CSMD3: variants seen among roughly 807,000 people sequenced by gnomAD.
CSMD3 encodes the protein CUB and sushi domain-containing protein 3.
In CSMD3, 177 loss-of-function variants were observed where a neutral mutation model predicts 435.2. That is an observed-to-expected ratio of 0.41 (90% CI 0.36 to 0.46). The LOEUF (loss-of-function observed/expected upper bound fraction) is 0.46. CSMD3 is among the 20% of genes least tolerant of loss of function. The probability of loss-of-function intolerance (pLI) is 0.34; values close to 1 mark genes in which losing one functional copy is unlikely to be tolerated. For missense variants in CSMD3, 4,265 were observed against 4,504.6 expected, an observed-to-expected ratio of 0.95 and a Z score of 1.52; for synonymous variants, 1,656 against 1,520.5, an observed-to-expected ratio of 1.09 and a Z score of -2.07.
chr8:113,273,488 A>G (rs975891398), intron 3 of CSMD3, among the ~76,000 whole-genome samples: 1 of 152,166 alleles, frequency 6.6e-6, no homozygotes, highest in Non-Finnish European at 1.5e-5. Flanking sequence ...AAAATCTATG[A>G]GCACTCTATT....
At chr8:112,635,981 A>G (rs2074645411) in intron 22 of CSMD3, among the ~76,000 whole-genome samples, 1 of 152,136 alleles carries the variant, frequency 6.6e-6, no homozygotes, top group Non-Finnish European at 1.5e-5. Flanking sequence ...TGCTTGTGAT[A>G]ATTTTCAATA....
At chr8:112,618,685 T>C (rs891730105) in intron 22 of CSMD3, among the ~76,000 whole-genome samples, 2 of 148,300 alleles carry the variant, frequency 1.3e-5, no homozygotes, top group Admixed American at 6.8e-5. Flanking sequence ...GGACCAACCA[T>C]AAAGAAAGTT....
At chr8:113,189,788 A>C (rs2092558384) in intron 3 of CSMD3, among the ~76,000 whole-genome samples, 2 of 151,812 alleles carry the variant, frequency 1.3e-5, no homozygotes, top group African/African-American at 4.8e-5. Flanking sequence ...TCCTGTTGAA[A>C]AATCAGAGCA....
At position 112,845,932 on chromosome 8, in the gene CSMD3, G is replaced by T. The variant is rs559577759; in HGVS notation, c.1755+13213C>A. Among the ~76,000 whole-genome samples the T allele has an allele frequency of 2.0e-5, 3 of 151,990 alleles. No individual in the cohort carries two copies. In the East Asian group the frequency reaches 5.8e-4, roughly 29 times the overall value. On this transcript the variant is annotated intron_variant, in intron 11 of 70. Transcript: ENST00000297405. ...GAGGAACACTAATATTTAAGGATAA[G>T]GTCACTAGCAAAAGCCTGGAAACGT... is the stretch of plus-strand genomic sequence containing the variant.
At chr8:113,043,423 G>GA (rs1042767493) in intron 5 of CSMD3, among the ~76,000 whole-genome samples, 1 of 152,072 alleles carries the variant, frequency 6.6e-6, no homozygotes, top group Non-Finnish European at 1.5e-5. Flanking sequence ...ATTTTAACAG[G>GA]AAAATGTTTC....
chr8:113,352,213 T>C (rs1215583437), intron 1 of CSMD3, among the ~76,000 whole-genome samples: 1 of 152,142 alleles, frequency 6.6e-6, no homozygotes, highest in African/African-American at 2.4e-5. Context: ...ATCTTTTGAA[T>C]AGACCATCCT....
chr8:113,299,868 C>T (rs566570134), intron 2 of CSMD3, among the ~76,000 whole-genome samples: 9 of 152,174 alleles, frequency 5.9e-5, no homozygotes, highest in Non-Finnish European at 8.8e-5. Flanking sequence ...TGGCACATGC[C>T]TGTATTCCCA....
chr8:113,402,117 C>T (rs2094512766), intron 1 of CSMD3, among the ~76,000 whole-genome samples: 2 of 151,430 alleles, frequency 1.3e-5, no homozygotes, highest in Admixed American at 1.3e-4. Flanking sequence ...GGAGCTAGCT[C>T]CTTGTGATTT....
chr8:112,637,799 T>G (rs1404419997), intron 21 of CSMD3, among the ~76,000 whole-genome samples: 2 of 152,130 alleles, frequency 1.3e-5, no homozygotes, highest in Non-Finnish European at 2.9e-5. Flanking sequence ...TTGGACTTTT[T>G]TTAACATTCT....
intron 16 of CSMD3, among the ~76,000 whole-genome samples, chr8:112,678,714 A>ATATG (rs2075820480): frequency 6.6e-6 from 1 of 151,914 alleles, no homozygotes; most frequent in African/African-American, 2.4e-5. Context: ...ATCCATATAT[A>ATATG]TATATAACTT....
intron 42 of CSMD3, among the ~76,000 whole-genome samples, chr8:112,338,244 A>C (rs576465188): frequency 1.3e-5 from 2 of 150,530 alleles, no homozygotes; most frequent in South Asian, 4.2e-4. Flanking sequence ...CTGGAAAAAA[A>C]TTTTATTTTA....
intron 64 of CSMD3, 110 bp downstream of exon 64, chr8:112,246,910 A>G (rs1356960388): frequency 3.7e-6 from 3 of 806,166 alleles, no homozygotes; most frequent in Non-Finnish European, 6.4e-6. Flanking sequence ...TTTATAATCT[A>G]AAAGTCAATT....
Position 112,703,973 on chromosome 8 carries a change from T to C in CSMD3, c.1973-13923A>G, listed in dbSNP as rs376990014. ...GACATTTAAAATGCCTCAGATTGAG[T>C]ACAACAATTTAATAAAAATATGCAA... On this transcript the variant is annotated intron_variant, in intron 13 of 70. Coordinates refer to ENST00000297405, the MANE Select transcript of CSMD3 (RefSeq NM_198123.2). Among the ~76,000 whole-genome samples the C allele has an allele frequency of 2.0e-5, 3 of 152,038 alleles. No individual in the cohort carries two copies. In the East Asian group the frequency reaches 5.8e-4, roughly 29 times the overall value.
At chr8:112,735,034 T>C (rs142636441) in intron 13 of CSMD3, among the ~76,000 whole-genome samples, 2 of 152,156 alleles carry the variant, frequency 1.3e-5, no homozygotes, top group African/African-American at 4.8e-5. Flanking sequence ...CCTTTGATTG[T>C]AGCAGAGAAC....
intron 22 of CSMD3, among the ~76,000 whole-genome samples, chr8:112,615,588 C>T (rs1833606093): frequency 6.6e-6 from 1 of 151,990 alleles, no homozygotes; most frequent in African/African-American, 2.4e-5. Context: ...AATACGCCTA[C>T]ATCATGAAAT....
intron 9 of CSMD3, among the ~76,000 whole-genome samples, chr8:112,928,690 T>A (rs1346181086): frequency 1.3e-5 from 2 of 149,408 alleles, no homozygotes; most frequent in Non-Finnish European, 3.0e-5. Flanking sequence ...TCTATCATTG[T>A]TGGACATTTG....
intron 7 of CSMD3, among the ~76,000 whole-genome samples, chr8:112,965,640 T>C (rs2084390045): frequency 6.6e-6 from 1 of 151,962 alleles, no homozygotes; most frequent in South Asian, 2.1e-4. Context: ...CATTTGTGAA[T>C]AAAATAAATT....
At chr8:112,882,590 C>T (rs1017636817) in intron 10 of CSMD3, among the ~76,000 whole-genome samples, 1 of 151,996 alleles carries the variant, frequency 6.6e-6, no homozygotes, top group African/African-American at 2.4e-5. Context: ...CTTTGGAAAG[C>T]GTGTGAACCA....
At chr8:112,929,150 T>A (rs1188208477) in intron 9 of CSMD3, among the ~76,000 whole-genome samples, 3 of 146,368 alleles carry the variant, frequency 2.0e-5, no homozygotes, top group African/African-American at 7.5e-5. Flanking sequence ...TTTTTTCTTG[T>A]AAATTTGTTT....
Sources: allele counts gnomAD v4.1 joint callset (sites outside exome capture counted in the v4.1 genomes callset), GRCh38; gene constraint gnomAD v4.1.1; transcripts MANE v1.5; gene names NCBI Gene and HGNC (gene_info 2026-07-23, HGNC 2026-07-21).